Variants in SDR42E1 observed in about 807,000 individuals in gnomAD.
The protein encoded by SDR42E1 is short-chain dehydrogenase/reductase family 42E member 1.
SDR42E1 carries 5 observed loss-of-function variants against 2.6 expected under a neutral mutation model. The observed-to-expected ratio is 1.94, with a 90% CI of 1.01 to 4.08. SDR42E1 has a LOEUF of 4.08. Ranked by LOEUF, SDR42E1 falls within the 30% of genes most tolerant of loss-of-function variation. The pLI, the probability that SDR42E1 is intolerant of heterozygous loss-of-function variation, is 0.00. For missense variants in SDR42E1, 596 were observed against 478.6 expected, an observed-to-expected ratio of 1.25 and a Z score of -2.29; for synonymous variants, 231 against 188.3, an observed-to-expected ratio of 1.23 and a Z score of -1.86.
rs1454132075 is a variant in SDR42E1, at chr16:81,992,357, G to A, written c.*6754C>T. ...CACAGGACTATAAATCAGTGGAGTGGGGGTGTTGTAATTGCCCAGCAATGT... is the reference window on the plus strand; with the variant it reads ...CACAGGACTATAAATCAGTGGAGTGAGGGTGTTGTAATTGCCCAGCAATGT... On this transcript the variant is annotated 3_prime_UTR_variant, in exon 3 of 3. Coordinates refer to ENST00000328945, the MANE Select transcript of SDR42E1 (RefSeq NM_145168.3). 2.6e-5 allele frequency: 4 copies of A among 152,114 alleles called. No homozygotes were observed. The highest frequency in any genetic ancestry group is 4.4e-5 in the Non-Finnish European group (3 of 68,034). 9.4% of individuals were successfully genotyped at this position (152,114 alleles called of 1,614,324 possible).
In SDR42E1 at chr16:81,999,985, G is replaced by C. The variant is rs1347414296; in HGVS notation, c.308C>G (p.Thr103Arg). Residue 103 changes from threonine to arginine, a missense_variant, in exon 3 of 3, where the codon ACA (threonine) becomes AGA (arginine). Coordinates refer to ENST00000328945, the MANE Select transcript of SDR42E1 (RefSeq NM_145168.3). ...TTGGCAAACCTGGAGGATGTTGTCT[G>C]TGCCCCTGACGTTGACTTCTTTGAT... is the stretch of plus-strand genomic sequence containing the variant. Reference protein sequence around the residue: ...NLIKEVNVRGTDNILQVCQRR... With the variant: ...NLIKEVNVRGRDNILQVCQRR... 1 of 1,614,200 alleles carries C rather than the reference G, an allele frequency of 6.2e-7. No homozygotes were observed. The highest frequency in any genetic ancestry group is 8.5e-7 in the Non-Finnish European group (1 of 1,180,030).
In SDR42E1 at chr16:82,000,031, C is replaced by A; in HGVS notation, c.262G>T (p.Glu88Ter). The A allele has an allele frequency of 6.2e-7, 1 of 1,614,218 alleles. No homozygotes were observed. The highest frequency in any genetic ancestry group is 8.5e-7 in the Non-Finnish European group (1 of 1,180,038). The change falls in exon 3 of 3, where the codon GAG becomes TAG. Residue 88 changes from glutamate to a stop codon, truncating the protein, a stop_gained. Coordinates refer to ENST00000328945, the MANE Select transcript of SDR42E1 (RefSeq NM_145168.3). LOFTEE classifies it low-confidence loss of function (END_TRUNC). ...HIASYGMSGR[E>*]QLNRNLIKEV... Reference sequence around the variant, plus strand: ...TTGATCAGGTTTCGATTGAGTTGCTCCCGCCCTGACATACCATAAGAGGCA... The same window carrying A: ...TTGATCAGGTTTCGATTGAGTTGCTACCGCCCTGACATACCATAAGAGGCA...
At position 81,996,694 on chromosome 16, in the gene SDR42E1, T is replaced by C. The variant is rs544094341; in HGVS notation, c.*2417A>G. On this transcript the variant is annotated 3_prime_UTR_variant, in exon 3 of 3. Transcript: ENST00000328945. ...GGTGAGCTCACCTAGGGAGAAAGTA[T>C]GGTATTAGAACAGGGCCAAGGAATG... 1 of 152,190 alleles carries C rather than the reference T, an allele frequency of 6.6e-6. No individual in the cohort carries two copies. Among genetic ancestry groups the C allele is most frequent in the African/African-American group, 2.4e-5 (1 of 41,512 alleles). 9.4% of individuals were successfully genotyped at this position (152,190 alleles called of 1,614,324 possible).
chr16:82,004,916 T>G (rs1215631373), intron 1 of SDR42E1, among the ~76,000 whole-genome samples: 1 of 152,228 alleles, frequency 6.6e-6, no homozygotes, highest in Admixed American at 6.5e-5. Context: ...ACCCAGGTGA[T>G]GTTTTGAGGA....
intron 1 of SDR42E1, among the ~76,000 whole-genome samples, chr16:82,004,219 A>T (rs946391401): frequency 1.3e-5 from 2 of 152,178 alleles, no homozygotes; most frequent in Admixed American, 1.3e-4. Context: ...GGGGAGACTG[A>T]TTCTGACAGG....
intron 1 of SDR42E1, among the ~76,000 whole-genome samples, chr16:82,004,543 C>T (rs1168900427): frequency 2.6e-5 from 4 of 152,164 alleles, no homozygotes; most frequent in African/African-American, 9.7e-5. Flanking sequence ...CTCTGTTGCC[C>T]AGGCTATAGT....
Position 81,997,124 on chromosome 16 carries a change from G to A in SDR42E1, c.*1987C>T, listed in dbSNP as rs1284004557. 1 of 151,914 alleles carries A rather than the reference G, an allele frequency of 6.6e-6. No homozygotes were observed. The highest frequency in any genetic ancestry group is 1.5e-5 in the Non-Finnish European group (1 of 68,052). 9.4% of individuals were successfully genotyped at this position (151,914 alleles called of 1,614,324 possible). ...GTGAGTGAACTGCAATAAGACTCAGGTGACGCATTCAAAATAATGTTCCCA... is the reference window on the plus strand; with the variant it reads ...GTGAGTGAACTGCAATAAGACTCAGATGACGCATTCAAAATAATGTTCCCA... On this transcript the variant is annotated 3_prime_UTR_variant, in exon 3 of 3. Transcript: ENST00000328945.
Position 81,992,427 on chromosome 16 carries a change from A to G in SDR42E1, c.*6684T>C, listed in dbSNP as rs1912448717. The stretch of plus-strand genomic sequence containing the variant: ...ACCTGGGCAACATTTCAGACTTATT[A>G]TTATCTATTCAGGACACTAACTCCT... On this transcript the variant is annotated 3_prime_UTR_variant, in exon 3 of 3. Coordinates refer to ENST00000328945, the MANE Select transcript of SDR42E1 (RefSeq NM_145168.3). The G allele has an allele frequency of 6.6e-6, 1 of 152,148 alleles. No individual in the cohort carries two copies. The allele number at this position is 152,148 out of a possible 1,614,324, so 9.4% of individuals were successfully genotyped here.
chr16:82,008,682 A>C (rs1267994877), intron 1 of SDR42E1, among the ~76,000 whole-genome samples: 2 of 152,180 alleles, frequency 1.3e-5, no homozygotes, highest in Non-Finnish European at 2.9e-5. Context: ...GAGGAAGCAG[A>C]GTGTAGGTTT....
intron 1 of SDR42E1, among the ~76,000 whole-genome samples, chr16:82,009,370 G>A (rs1346427064): frequency 4.6e-5 from 7 of 152,238 alleles, no homozygotes; most frequent in Admixed American, 4.6e-4. Context: ...CGCCAGCCCT[G>A]GAAGCAGCCA....
At chr16:82,005,840 A>C (rs561739745) in intron 1 of SDR42E1, among the ~76,000 whole-genome samples, 1 of 152,168 alleles carries the variant, frequency 6.6e-6, no homozygotes, top group African/African-American at 2.4e-5. Flanking sequence ...AACAAAAAAA[A>C]CCTTAATTAC....
rs1363347698 is a variant in SDR42E1 at position 81,990,176 on chromosome 16, G to A, written c.*8935C>T. Reference sequence around the variant, plus strand: ...AAGACGACAGAAAAATTAGCTAGGTGTGCTGGTGCACCTGTGGTTCTAGCT... The same window carrying A: ...AAGACGACAGAAAAATTAGCTAGGTATGCTGGTGCACCTGTGGTTCTAGCT... On this transcript the variant is annotated 3_prime_UTR_variant, in exon 3 of 3. Coordinates refer to ENST00000328945, the MANE Select transcript of SDR42E1 (RefSeq NM_145168.3). The A allele has an allele frequency of 6.6e-6, 1 of 152,258 alleles. No homozygotes were observed. Among genetic ancestry groups the A allele is most frequent in the Non-Finnish European group, 1.5e-5 (1 of 68,144 alleles). The allele number at this position is 152,258 out of a possible 1,614,324, so 9.4% of individuals were successfully genotyped here. A position where few individuals can be genotyped will look rare whatever the true frequency, so the allele number is the denominator to read the frequency against.
In SDR42E1 at chr16:81,992,800, T is replaced by C. The variant is rs567717558; in HGVS notation, c.*6311A>G. 6 of 152,082 alleles carry C rather than the reference T, an allele frequency of 3.9e-5. No individual in the cohort carries two copies. The highest frequency in any genetic ancestry group is 8.8e-5 in the Non-Finnish European group (6 of 68,028). 9.4% of individuals were successfully genotyped at this position (152,082 alleles called of 1,614,324 possible). ...CTCGGTCATAATTACTTGAGTTCAA[T>C]GAACTCAAGTAATTATGAACGCAAC... On this transcript the variant is annotated 3_prime_UTR_variant, in exon 3 of 3. Transcript: ENST00000328945.
At position 81,993,468 on chromosome 16, in the gene SDR42E1, G is replaced by A. The variant is rs1304762344; in HGVS notation, c.*5643C>T. Reference sequence around the variant, plus strand: ...GTTCTGATCATTCCCCTGCCCCCGTGCTTTTCTGGTTGTTACAGTGAAAGG... The same window carrying A: ...GTTCTGATCATTCCCCTGCCCCCGTACTTTTCTGGTTGTTACAGTGAAAGG... On this transcript the variant is annotated 3_prime_UTR_variant, in exon 3 of 3. Coordinates refer to ENST00000328945, the MANE Select transcript of SDR42E1 (RefSeq NM_145168.3). The A allele has an allele frequency of 6.6e-6, 1 of 152,168 alleles. No homozygotes were observed. The highest frequency in any genetic ancestry group is 1.5e-5 in the Non-Finnish European group (1 of 68,062). The allele number at this position is 152,168 out of a possible 1,614,324, so 9.4% of individuals were successfully genotyped here. A position where few individuals can be genotyped will look rare whatever the true frequency, so the allele number is the denominator to read the frequency against.
chr16:82,000,884 C>G lies in SDR42E1; in HGVS notation c.-26G>C. ...ATGTGGCAGTCAAAAGATAACTGGA[C>G]CTGAAGAAAGAAGTATGCATCACTG... is the stretch of plus-strand genomic sequence containing the variant. On this transcript the variant is annotated splice_region_variant and 5_prime_UTR_variant, in exon 2 of 3. Coordinates refer to ENST00000328945, the MANE Select transcript of SDR42E1 (RefSeq NM_145168.3). 6.3e-7 allele frequency: 1 copy of G among 1,594,028 alleles called. No individual in the cohort carries two copies. Among genetic ancestry groups the G allele is most frequent in the Non-Finnish European group, 8.6e-7 (1 of 1,164,046 alleles).
intron 1 of SDR42E1, among the ~76,000 whole-genome samples, chr16:82,002,279 C>G (rs761697767): frequency 2.0e-5 from 3 of 152,172 alleles, no homozygotes; most frequent in Non-Finnish European, 2.9e-5. Context: ...CAGGAATACA[C>G]AGTGAAGACG....
chr16:82,000,311 G>A (rs1326941730), intron 2 of SDR42E1, 87 bp from the exon 3 acceptor site: 1 of 1,531,648 alleles, frequency 6.5e-7, no homozygotes, highest in South Asian at 1.1e-5. Context: ...CAATCAAGGT[G>A]GGGCTGATCC....
chr16:81,996,023 G>A lies in SDR42E1; in HGVS notation c.*3088C>T, dbSNP rs1166417128. On this transcript the variant is annotated 3_prime_UTR_variant, in exon 3 of 3. Transcript: ENST00000328945. Reference sequence around the variant, plus strand: ...AAAGGAGGAGCAGGGAGCCTGAGAAGCTTGGAGCCCAGGAACCTAAAAAAG... The same window carrying A: ...AAAGGAGGAGCAGGGAGCCTGAGAAACTTGGAGCCCAGGAACCTAAAAAAG... The A allele has an allele frequency of 6.6e-6, 1 of 152,318 alleles. No individual in the cohort carries two copies. Among genetic ancestry groups the A allele is most frequent in the East Asian group, 1.9e-4 (1 of 5,206 alleles). The allele number at this position is 152,318 out of a possible 1,614,324, so 9.4% of individuals were successfully genotyped here.
rs1912615802 is a variant in SDR42E1, at chr16:81,998,715, A to G, written c.*396T>C. On this transcript the variant is annotated 3_prime_UTR_variant, in exon 3 of 3. Coordinates refer to ENST00000328945, the MANE Select transcript of SDR42E1 (RefSeq NM_145168.3). ...TTTTTCACACGCATTCAAGCCTGAT[A>G]GTGTTTCGCCATTCCCACATCAGTC... 1 of 187,520 alleles carries G rather than the reference A, an allele frequency of 5.3e-6. No individual in the cohort carries two copies. Among genetic ancestry groups the G allele is most frequent in the Non-Finnish European group, 1.1e-5 (1 of 90,690 alleles). The allele number at this position is 187,520 out of a possible 1,614,324, so 11.6% of individuals were successfully genotyped here.
Sources: gnomAD v4.1 joint callset for allele counts (sites outside exome capture counted in the v4.1 genomes callset) on GRCh38, gnomAD v4.1.1 for gene constraint, MANE v1.5 for transcripts, NCBI Gene and HGNC (gene_info 2026-07-23, HGNC 2026-07-21) for gene names.